ABHD2: variants seen among roughly 807,000 people sequenced by gnomAD.
ABHD2 encodes the protein monoacylglycerol lipase ABHD2.
Under a neutral mutation model 48.1 loss-of-function variants are expected in ABHD2, and 20 were observed. That is an observed-to-expected ratio of 0.42 (90% CI 0.29 to 0.60). The LOEUF (loss-of-function observed/expected upper bound fraction) is 0.60, where lower values mean the gene tolerates loss of function less well. Ranked by LOEUF, ABHD2 falls within the 20% of genes least tolerant of loss-of-function variation. The pLI is 0.24. For missense variants in ABHD2, 405 were observed against 550.9 expected, an observed-to-expected ratio of 0.74 and a Z score of 2.65; for synonymous variants, 209 against 214.2, an observed-to-expected ratio of 0.98 and a Z score of 0.21.
At chr15:89,111,941 T>TTA (rs371717016) in intron 1 of ABHD2, among the ~76,000 whole-genome samples, 7,971 of 151,058 alleles carry the variant, frequency 0.053, 473 homozygotes, top group African/African-American at 0.15. Flanking sequence ...GATTTTTTAT[T>TTA]TATATATATA....
upstream of ABHD2, chr15:89,082,836 G>C (rs147441736): frequency 1.3e-3 from 191 of 152,300 alleles, no homozygotes; most frequent in African/African-American, 4.0e-3. This position sits in a 1 kb window ranked among gnomAD's most constrained non-coding sequence, Gnocchi z 4.4. Context: ...TCTCTGGAAA[G>C]ATGGAAATTG....
At chr15:89,112,139 T>A (rs1481775074) in intron 1 of ABHD2, among the ~76,000 whole-genome samples, 1 of 152,078 alleles carries the variant, frequency 6.6e-6, no homozygotes, top group African/African-American at 2.4e-5. Context: ...TGGTGGGGAC[T>A]GTGGCCACCT....
Position 89,188,253 on chromosome 15 carries a change from C to T in ABHD2, c.876C>T (p.Ser292=), listed in dbSNP as rs2051245645. 14 of 1,614,164 alleles carry T rather than the reference C, an allele frequency of 8.7e-6. No individual in the cohort carries two copies. Among genetic ancestry groups the T allele is most frequent in the Non-Finnish European group, 1.1e-5 (13 of 1,180,038 alleles). ...AGAGCCTGGAAGACACGGACTTGAG[C>T]CGGCTCTACACAGCAACATCCCTGA... is the stretch of plus-strand genomic sequence containing the variant. The part of the protein sequence containing the change: ...KPQSLEDTDL[S]RLYTATSLMQ... Residue 292 remains serine (S), a synonymous_variant, in exon 8 of 11, where the codon AGC becomes AGT. Coordinates refer to ENST00000352732, the MANE Select transcript of ABHD2 (RefSeq NM_152924.5). The surrounding 1 kb of genome is among the most constrained non-coding windows in gnomAD (Gnocchi z 4.1).
In ABHD2 at chr15:89,188,840, T is replaced by A. The variant is rs1282146007; in HGVS notation, c.926+537T>A. On this transcript the variant is annotated intron_variant, in intron 8 of 10. Transcript: ENST00000352732. This position sits in a 1 kb window ranked among gnomAD's most constrained non-coding sequence, Gnocchi z 4.1. ...GCTGCAGTGAGCCATGTTCATGCCA[T>A]TGCACTCCAGCCAGGGTGACACAGC... 3.3e-5 allele frequency among the ~76,000 whole-genome samples: 5 copies of A among 150,212 alleles called. No individual in the cohort carries two copies. The highest frequency in any genetic ancestry group is 6.6e-5 in the Admixed American group (1 of 15,062).
intron 5 of ABHD2, among the ~76,000 whole-genome samples, chr15:89,160,759 T>A (rs1016411663): frequency 6.6e-6 from 1 of 152,056 alleles, no homozygotes; most frequent in African/African-American, 2.4e-5. Flanking sequence ...GTAGGAAGAG[T>A]GTGGCTCTTG....
At chr15:89,075,840 T>A in the ABHD2 span, among the ~76,000 whole-genome samples, 1 of 152,046 alleles carries the variant, frequency 6.6e-6, no homozygotes, top group Admixed American at 6.5e-5. This position sits in a 1 kb window ranked among gnomAD's most constrained non-coding sequence, Gnocchi z 4.1. Context: ...GGCTGTGAAA[T>A]GGACAAAGGA....
chr15:89,162,066 C>G (rs2050770769), intron 5 of ABHD2, among the ~76,000 whole-genome samples: 1 of 152,196 alleles, frequency 6.6e-6, no homozygotes, highest in Admixed American at 6.5e-5. Flanking sequence ...AGGGCCCACC[C>G]TAACAACCAC....
chr15:89,067,803 C>G, the ABHD2 span, among the ~76,000 whole-genome samples: 1 of 152,202 alleles, frequency 6.6e-6, no homozygotes, highest in Non-Finnish European at 1.5e-5. Context: ...TCCATCTTTT[C>G]CTTCTGGGCT....
chr15:89,185,361 C>T lies in ABHD2; in HGVS notation c.723-63C>T. On this transcript the variant is annotated intron_variant, in intron 6 of 10. Transcript: ENST00000352732. This position sits in a 1 kb window ranked among gnomAD's most constrained non-coding sequence, Gnocchi z 5.9. Reference sequence around the variant, plus strand: ...GCACCTCACCCCATGGCTAGAGCCCCCTCCTGGCTGCCCGCCTGCACCCCC... The same window carrying T: ...GCACCTCACCCCATGGCTAGAGCCCTCTCCTGGCTGCCCGCCTGCACCCCC... The T allele has an allele frequency of 1.4e-6, 2 of 1,380,896 alleles. No homozygotes were observed. Among genetic ancestry groups the T allele is most frequent in the Non-Finnish European group, 2.1e-6 (2 of 972,612 alleles). 85.5% of individuals were successfully genotyped at this position (1,380,896 alleles called of 1,614,324 possible).
Position 89,167,351 on chromosome 15 carries a change from G to A in ABHD2, c.539-8461G>A, listed in dbSNP as rs969095265. Among the ~76,000 whole-genome samples the A allele has an allele frequency of 3.9e-5, 6 of 152,164 alleles. No individual in the cohort carries two copies. The highest frequency in any genetic ancestry group is 8.8e-5 in the Non-Finnish European group (6 of 68,024). On this transcript the variant is annotated intron_variant, in intron 5 of 10. Coordinates refer to ENST00000352732, the MANE Select transcript of ABHD2 (RefSeq NM_152924.5). The surrounding 1 kb of genome is among the most constrained non-coding windows in gnomAD (Gnocchi z 5.5). ...AGAAGGGCACAATGGGAAGGGAGGA[G>A]GAAGAGATGGGTGAAGGGAGAGAGA...
At position 89,175,142 on chromosome 15, in the gene ABHD2, T is replaced by C. The variant is rs2050990857; in HGVS notation, c.539-670T>C. Among the ~76,000 whole-genome samples, 1 of 152,238 alleles carries C rather than the reference T, an allele frequency of 6.6e-6. No individual in the cohort carries two copies. The highest frequency in any genetic ancestry group is 2.4e-5 in the African/African-American group (1 of 41,462). On this transcript the variant is annotated intron_variant, in intron 5 of 10. Coordinates refer to ENST00000352732, the MANE Select transcript of ABHD2 (RefSeq NM_152924.5). This position sits in a 1 kb window ranked among gnomAD's most constrained non-coding sequence, Gnocchi z 5.7. ...CTACTTTTCTTAACACCATGAATCA[T>C]CATACACATGGGTATAGCATCCCAA...
chr15:89,085,451 G>A (rs1901334028), upstream of ABHD2, among the ~76,000 whole-genome samples: 1 of 152,008 alleles, frequency 6.6e-6, no homozygotes, highest in South Asian at 2.1e-4. The surrounding 1 kb of genome is among the most constrained non-coding windows in gnomAD (Gnocchi z 4.2). Flanking sequence ...ACTGCAAGCA[G>A]AAGGGAGGAA....
intron 1 of ABHD2, among the ~76,000 whole-genome samples, chr15:89,109,691 G>A (rs1180888662): frequency 2.0e-5 from 3 of 151,962 alleles, no homozygotes. Context: ...TCAGACTTGG[G>A]GAAAAAAGAA....
the ABHD2 span, among the ~76,000 whole-genome samples, chr15:89,068,196 GCACACA>G: frequency 0.021 from 3,135 of 149,764 alleles, 49 homozygotes; most frequent in African/African-American, 0.041. Flanking sequence ...ATGTGCGCGT[GCACACA>G]CACACACACA....
Position 89,195,394 on chromosome 15 carries a change from A to C in ABHD2, c.1249A>C (p.Thr417Pro), listed in dbSNP as rs770582735. 1 of 1,614,042 alleles carries C rather than the reference A, an allele frequency of 6.2e-7. No homozygotes were observed. Among genetic ancestry groups the C allele is most frequent in the Non-Finnish European group, 8.5e-7 (1 of 1,180,002 alleles). ...GCGTAACAAGTTGCAGTGCTCTGAC[A>C]CGGAGCAGGTGGAGGCCGACCTGGA... ...WERNKLQCSD[T>P]EQVEADLE Residue 417 changes from threonine to proline, a missense_variant, in exon 11 of 11, where the codon ACG becomes CCG. Coordinates refer to ENST00000352732, the MANE Select transcript of ABHD2 (RefSeq NM_152924.5). The surrounding 1 kb of genome is among the most constrained non-coding windows in gnomAD (Gnocchi z 5.1).
At chr15:89,101,344 T>C (rs952329825) in intron 1 of ABHD2, among the ~76,000 whole-genome samples, 52 of 152,200 alleles carry the variant, frequency 3.4e-4, no homozygotes, top group African/African-American at 1.3e-3. Context: ...AACTTTGAGA[T>C]GTTCTTTAAA....
intron 3 of ABHD2, chr15:89,135,969 C>T (rs1183867535): frequency 5.3e-6 from 2 of 375,770 alleles, no homozygotes; most frequent in East Asian, 5.9e-5. Context: ...TTTTGTTGCC[C>T]AGGCTGGAGT....
intron 1 of ABHD2, among the ~76,000 whole-genome samples, chr15:89,098,474 A>G (rs1000513020): frequency 5.3e-5 from 8 of 152,174 alleles, no homozygotes; most frequent in African/African-American, 1.9e-4. Context: ...ACTATGGGCC[A>G]TAGAGGAGGC....
intron 1 of ABHD2, among the ~76,000 whole-genome samples, chr15:89,101,200 G>A (rs1002260575): frequency 3.3e-5 from 5 of 152,210 alleles, no homozygotes; most frequent in Admixed American, 1.3e-4. Flanking sequence ...AGTTTCTGGA[G>A]TAGATCTTTG....
Sources: gnomAD v4.1 joint callset for allele counts (sites outside exome capture counted in the v4.1 genomes callset) on GRCh38, gnomAD v4.1.1 for gene constraint, Gnocchi (gnomAD v3.1) non-coding constraint, MANE v1.5 for transcripts, NCBI Gene and HGNC (gene_info 2026-07-23, HGNC 2026-07-21) for gene names.